Variants in AGRN observed in about 807,000 individuals in gnomAD.
AGRN encodes agrin proteoglycan.
A neutral mutation model predicts 211.0 loss-of-function variants in AGRN; 106 were observed. That is an observed-to-expected ratio of 0.50 (90% confidence interval 0.43 to 0.59). AGRN has a LOEUF of 0.59. Ranked by LOEUF, AGRN falls within the 20% of genes least tolerant of loss-of-function variation. AGRN has a pLI of 0.00. For synonymous variants in AGRN, 1,525 were observed against 1,332.5 expected, an observed-to-expected ratio of 1.14 and a Z score of -3.15; for missense variants, 3,040 against 2,982.6, an observed-to-expected ratio of 1.02 and a Z score of -0.45.
rs771326309 is a variant in AGRN, at chr1:1,044,326, C to G, written c.2149-8C>G. ...GCTGCGGCCGCTCACACTGACACCA[C>G]CCTCCAGGTGTGCGGCTCAGATGGG... On this transcript the variant is annotated splice_polypyrimidine_tract_variant and splice_region_variant and intron_variant, in intron 11 of 35. Coordinates refer to ENST00000379370, the MANE Select transcript of AGRN (RefSeq NM_198576.4). 1 of 1,612,688 alleles carries G rather than the reference C, an allele frequency of 6.2e-7. No individual in the cohort carries two copies. The highest frequency in any genetic ancestry group is 8.5e-7 in the Non-Finnish European group (1 of 1,179,832).
intron 3 of AGRN, 28 bp from the exon 4 acceptor site, chr1:1,040,637 C>T (rs1232178363): frequency 6.5e-7 from 1 of 1,546,252 alleles, no homozygotes; most frequent in Non-Finnish European, 8.7e-7. Flanking sequence ...GTCTCGGCAC[C>T]CTGAGCTTTC....
chr1:1,044,494 C>T (rs777751629), intron 12 of AGRN, 55 bp downstream of exon 12: 237 of 1,535,804 alleles, frequency 1.5e-4, no homozygotes, highest in Non-Finnish European at 1.9e-4. Flanking sequence ...TCTGGGTTTC[C>T]GTGTCTGGAT....
Position 1,047,842 on chromosome 1 carries a change from G to C in AGRN, c.3698G>C (p.Arg1233Pro), listed in dbSNP as rs746259185. The C allele has an allele frequency of 1.2e-6, 2 of 1,605,432 alleles. No individual in the cohort carries two copies. The highest frequency in any genetic ancestry group is 1.1e-5 in the South Asian group (1 of 90,002). ...CGGCAGATCCAGGTGTCCAGGCGCC[G>C]GTCCTTGGGGGTGAGGCGGCCGCTG... is the stretch of plus-strand genomic sequence containing the variant. ...LLRQIQVSRR[R>P]SLGVRRPLQE... The change falls in exon 22 of 36, where the codon CGG (arginine) becomes CCG (proline). Residue 1233 changes from arginine (R) to proline (P), a missense_variant. Arg to Pro is a moderately radical substitution (Grantham distance 103). Around this residue, in one of 3 missense-constraint regions of AGRN, gnomAD observed 1,537 missense variants for 1,505.0 expected, o/e 1.02. Coordinates refer to ENST00000379370, the MANE Select transcript of AGRN (RefSeq NM_198576.4).
At position 1,049,467 on chromosome 1, in the gene AGRN, G is replaced by A. The variant is rs112917612; in HGVS notation, c.4514+16G>A. 1.1e-5 allele frequency: 18 copies of A among 1,600,514 alleles called. No individual in the cohort carries two copies. Among genetic ancestry groups the A allele is most frequent in the Non-Finnish European group, 1.5e-5 (18 of 1,179,524 alleles). ...AGGCTGCCGTGTGAGTCCCTTGGAG[G>A]GTGGTGTGGCCCCGACCCCGGCCCT... On this transcript the variant is annotated intron_variant, in intron 25 of 35. Coordinates refer to ENST00000379370, the MANE Select transcript of AGRN (RefSeq NM_198576.4).
Position 1,053,424 on chromosome 1 carries a change from C to T in AGRN, c.5652-329C>T, listed in dbSNP as rs1340449373. 2.1e-6 allele frequency: 3 copies of T among 1,399,576 alleles called. No individual in the cohort carries two copies. The Admixed American group carries it at 6.6e-5, about 31-fold the overall frequency. 86.7% of individuals were successfully genotyped at this position (1,399,576 alleles called of 1,614,324 possible). A position where few individuals can be genotyped will look rare whatever the true frequency, so the allele number is the denominator to read the frequency against. On this transcript the variant is annotated intron_variant, in intron 33 of 35. Coordinates refer to ENST00000379370, the MANE Select transcript of AGRN (RefSeq NM_198576.4). ...TGGGTTTGCATTGGCCCCGCCTGTCCCCTGCTCACCCGCCTCCCTCTCTTC... is the reference window on the plus strand; with the variant it reads ...TGGGTTTGCATTGGCCCCGCCTGTCTCCTGCTCACCCGCCTCCCTCTCTTC...
chr1:1,046,538 C>A lies in AGRN; in HGVS notation c.3053C>A (p.Pro1018His). ...PSSTAHSQTT[P>H]PPSSRPRTTA... Reference sequence around the variant, plus strand: ...AGTACCGCACACAGCCAGACCACCCCTCCGCCCTCATCACGACCTCGGACC... The same window carrying A: ...AGTACCGCACACAGCCAGACCACCCATCCGCCCTCATCACGACCTCGGACC... The change falls in exon 18 of 36, where the codon CCT becomes CAT. Residue 1018 changes from proline (P) to histidine (H), a missense_variant. This residue lies in a region of AGRN where 1,537 missense variants were observed against 1,505.0 expected (regional missense o/e 1.02). Transcript: ENST00000379370. 2 of 1,610,740 alleles carry A rather than the reference C, an allele frequency of 1.2e-6. No individual in the cohort carries two copies. The highest frequency in any genetic ancestry group is 1.7e-6 in the Non-Finnish European group (2 of 1,178,990).
Position 1,031,948 on chromosome 1 carries a change from G to C in AGRN, c.464-3329G>C, listed in dbSNP as rs1162112378. 6.6e-6 allele frequency among the ~76,000 whole-genome samples: 1 copy of C among 152,244 alleles called. No individual in the cohort carries two copies. The highest frequency in any genetic ancestry group is 1.5e-5 in the Non-Finnish European group (1 of 68,040). On this transcript the variant is annotated intron_variant, in intron 2 of 35. Transcript: ENST00000379370. The surrounding 1 kb of genome is among the most constrained non-coding windows in gnomAD (Gnocchi z 4.8). ...AACCACCTGCCTCTGCACACAGCAA[G>C]TCCTGTTCTGGGTTTTCTCATCCCT...
At chr1:1,052,972 G>C in intron 33 of AGRN, 1 of 173,052 alleles carries the variant, frequency 5.8e-6, no homozygotes, top group East Asian at 1.8e-4. Flanking sequence ...ACAGGTGTAA[G>C]TGGGGAGCAC....
At chr1:1,053,375 T>C in intron 33 of AGRN, 2 of 1,194,236 alleles carry the variant, frequency 1.7e-6, no homozygotes, top group Non-Finnish European at 2.2e-6. Context: ...GGGTGCCTGC[T>C]CCTTGCACCC....
Position 1,041,324 on chromosome 1 carries a change from C to T in AGRN, c.879C>T (p.Pro293=). The change falls in exon 5 of 36, where the codon CCC becomes CCT. Residue 293 remains proline, a synonymous_variant. Coordinates refer to ENST00000379370, the MANE Select transcript of AGRN (RefSeq NM_198576.4). ...GCGGCAGCGACGGCGCCGACTACCC[C>T]GGCGAGTGCCAGCTCCTGCGCCGCG... is the stretch of plus-strand genomic sequence containing the variant. The part of the protein sequence containing the change: ...TVCGSDGADY[P]GECQLLRRAC... 3 of 1,525,606 alleles carry T rather than the reference C, an allele frequency of 2.0e-6. No homozygotes were observed. The highest frequency in any genetic ancestry group is 2.6e-6 in the Non-Finnish European group (3 of 1,142,820). The allele number at this position is 1,525,606 out of a possible 1,614,324, so 94.5% of individuals were successfully genotyped here. A position where few individuals can be genotyped will look rare whatever the true frequency, so the allele number is the denominator to read the frequency against.
intron 2 of AGRN, among the ~76,000 whole-genome samples, chr1:1,026,939 A>G (rs1644533080): frequency 6.6e-6 from 1 of 152,202 alleles, no homozygotes; most frequent in Admixed American, 6.5e-5. Context: ...TGCGCCCCTC[A>G]GGCTGTGGCA....
rs770365818 is a variant in AGRN, at chr1:1,052,044, C to T, written c.5651+229C>T. The T allele has an allele frequency of 4.7e-6, 7 of 1,500,174 alleles. No individual in the cohort carries two copies. In the South Asian group the frequency reaches 8.5e-5, roughly 18 times the overall value. 92.9% of individuals were successfully genotyped at this position (1,500,174 alleles called of 1,614,324 possible). On this transcript the variant is annotated intron_variant, in intron 33 of 35. Coordinates refer to ENST00000379370, the MANE Select transcript of AGRN (RefSeq NM_198576.4). ...GAGTAGAGCTCGGCGCCCCCCGCTCCCTCTCACTCCCACTCCTCCATCCTT... is the reference window on the plus strand; with the variant it reads ...GAGTAGAGCTCGGCGCCCCCCGCTCTCTCTCACTCCCACTCCTCCATCCTT...
In AGRN at chr1:1,028,535, G is replaced by GGGCCT. The variant is rs1425881539; in HGVS notation, c.463+6074_463+6075insGCCTG. Among the ~76,000 whole-genome samples the GGGCCT allele has an allele frequency of 6.8e-3, 944 of 139,332 alleles. 14 individuals carry two copies. The highest frequency in any genetic ancestry group is 0.011 in the Middle Eastern group (3 of 264). The allele number at this position is 139,332 out of a possible 152,430, so 91.4% of individuals were successfully genotyped here. On this transcript the variant is annotated intron_variant, in intron 2 of 35. Transcript: ENST00000379370. ...AGGAACCGAGCCCCAGCCCCTCATG[G>GGGCCT]GCCAAGGGCACCCACAGCCACGCCA...
At chr1:1,023,713 C>T (rs148455790) in intron 2 of AGRN, among the ~76,000 whole-genome samples, 9 of 152,286 alleles carry the variant, frequency 5.9e-5, no homozygotes, top group African/African-American at 2.2e-4. Flanking sequence ...AGGACTTGCT[C>T]TAGGGTCAGA....
rs1192631612 is a variant in AGRN at position 1,049,022 on chromosome 1, C to T, written c.4261C>T (p.Leu1421=). ...TGGCAACGCCCGGGGCAAGGACTTC[C>T]TGGCATTGGCGCTGCTAGATGGCCG... ...YNGNARGKDF[L]ALALLDGRVQ... The change falls in exon 24 of 36, where the codon CTG becomes TTG. Residue 1421 remains leucine (L), a synonymous_variant. Coordinates refer to ENST00000379370, the MANE Select transcript of AGRN (RefSeq NM_198576.4). The T allele has an allele frequency of 4.4e-6, 7 of 1,575,708 alleles. No individual in the cohort carries two copies. Among genetic ancestry groups the T allele is most frequent in the East Asian group, 4.6e-5 (2 of 43,080 alleles).
intron 7 of AGRN, 54 bp from the exon 8 acceptor site, chr1:1,043,185 G>A (rs1222326003): frequency 1.9e-6 from 3 of 1,548,292 alleles, no homozygotes; most frequent in African/African-American, 1.4e-5. Context: ...TGGGGGCTTT[G>A]CCTGCAGCGG....
chr1:1,055,113 C>T lies in AGRN; in HGVS notation c.*132C>T, dbSNP rs1645419826. The T allele has an allele frequency of 7.0e-7, 1 of 1,418,614 alleles. No homozygotes were observed. The highest frequency in any genetic ancestry group is 1.3e-5 in the South Asian group (1 of 79,880). The allele number at this position is 1,418,614 out of a possible 1,614,324, so 87.9% of individuals were successfully genotyped here. A position where few individuals can be genotyped will look rare whatever the true frequency, so the allele number is the denominator to read the frequency against. On this transcript the variant is annotated 3_prime_UTR_variant, in exon 36 of 36. Coordinates refer to ENST00000379370, the MANE Select transcript of AGRN (RefSeq NM_198576.4). ...CCCGGCCTCCCTTCCGTCCAGGCAG[C>T]CGTGCTGCAGACAGACCTAGTGCCG...
intron 2 of AGRN, among the ~76,000 whole-genome samples, chr1:1,023,760 G>A (rs1219337019): frequency 6.6e-6 from 1 of 152,160 alleles, no homozygotes; most frequent in Non-Finnish European, 1.5e-5. Context: ...GCTGAACGAG[G>A]CTCTGCATCT....
Position 1,020,284 on chromosome 1 carries a change from C to G in AGRN, c.112C>G (p.Arg38Gly). The G allele has an allele frequency of 6.8e-7, 1 of 1,471,414 alleles. No individual in the cohort carries two copies. The highest frequency in any genetic ancestry group is 9.0e-7 in the Non-Finnish European group (1 of 1,111,092). 91.1% of individuals were successfully genotyped at this position (1,471,414 alleles called of 1,614,324 possible). The change falls in exon 1 of 36, where the codon CGG becomes GGG. Residue 38 changes from arginine (R) to glycine (G), a missense_variant. Transcript: ENST00000379370. ...GGTCPERALE[R>G]REEEANVVLT... ...GACATGCCCGGAGCGCGCGCTGGAG[C>G]GGCGCGAGGAGGAGGCGAACGTGGT...
Sources: allele counts gnomAD v4.1 joint callset (sites outside exome capture counted in the v4.1 genomes callset), GRCh38; gene constraint gnomAD v4.1.1; regional missense constraint gnomAD v4.1.1; non-coding constraint Gnocchi (gnomAD v3.1); transcripts MANE v1.5; gene names NCBI Gene and HGNC (gene_info 2026-07-23, HGNC 2026-07-21).